ACBD6: variants seen among roughly 807,000 people sequenced by gnomAD.
ACBD6 encodes acyl-CoA-binding domain-containing protein 6.
A neutral mutation model predicts 37.2 loss-of-function variants in ACBD6; 28 were observed. That is an observed-to-expected ratio of 0.75 (90% CI 0.56 to 1.03). ACBD6 has a LOEUF of 1.03. Among genes scored for constraint, ACBD6 ranks in the 50% least tolerant of loss-of-function variants. The pLI is 0.00. For synonymous variants in ACBD6, 113 were observed against 126.8 expected, an observed-to-expected ratio of 0.89 and a Z score of 0.73; for missense variants, 340 against 337.4, an observed-to-expected ratio of 1.01 and a Z score of -0.06.
chr1:180,490,252 G>C (rs1488761887), intron 3 of ACBD6, among the ~76,000 whole-genome samples: 3 of 152,170 alleles, frequency 2.0e-5, no homozygotes, highest in Non-Finnish European at 4.4e-5. Context: ...CTGATTTTCA[G>C]ATTTTAAGCC....
At chr1:180,359,244 T>A (rs1300899055) in intron 6 of ACBD6, among the ~76,000 whole-genome samples, 1 of 152,218 alleles carries the variant, frequency 6.6e-6, no homozygotes, top group African/African-American at 2.4e-5. Context: ...TCTTTTAAAA[T>A]AACATTTATT....
downstream of ACBD6, among the ~76,000 whole-genome samples, chr1:180,284,811 T>C (rs150748054): frequency 5.5e-3 from 831 of 152,262 alleles, 11 homozygotes; most frequent in Middle Eastern, 0.041. Context: ...AGAGAAGCTT[T>C]TGGACTTGAT....
chr1:180,419,010 G>A (rs949465529), intron 4 of ACBD6, among the ~76,000 whole-genome samples: 5 of 152,206 alleles, frequency 3.3e-5, no homozygotes, highest in Admixed American at 1.3e-4. Flanking sequence ...CCAGCACTTC[G>A]GGAGGCCGAG....
chr1:180,386,987 C>T (rs768749379), intron 6 of ACBD6, among the ~76,000 whole-genome samples: 7 of 152,084 alleles, frequency 4.6e-5, no homozygotes, highest in East Asian at 1.9e-4. Flanking sequence ...TTTGAGTATG[C>T]GTATCTGTAT....
intron 3 of ACBD6, among the ~76,000 whole-genome samples, chr1:180,490,785 CAAAA>C (rs78365337): frequency 2.7e-5 from 2 of 75,456 alleles, no homozygotes; most frequent in Non-Finnish European, 5.7e-5. Context: ...GACTCTGTCT[CAAAA>C]AAAAAAAAAA....
chr1:180,304,404 CAA>C (rs1650263273), intron 7 of ACBD6, among the ~76,000 whole-genome samples: 1 of 150,988 alleles, frequency 6.6e-6, no homozygotes, highest in Non-Finnish European at 1.5e-5. Flanking sequence ...GCAACTTGAG[CAA>C]AGTCTCAGGA....
intron 6 of ACBD6, among the ~76,000 whole-genome samples, chr1:180,356,900 T>C (rs1652652759): frequency 6.6e-6 from 1 of 151,596 alleles, no homozygotes; most frequent in African/African-American, 2.4e-5. Context: ...TATGATATTA[T>C]ATATTATAAT....
intron 6 of ACBD6, among the ~76,000 whole-genome samples, chr1:180,374,349 G>A (rs909887317): frequency 2.0e-5 from 3 of 152,238 alleles, no homozygotes; most frequent in African/African-American, 7.2e-5. Flanking sequence ...ACTATGGAAA[G>A]GTGCTACACT....
exon 14 of ACBD6, chr1:180,271,744 G>A (rs1449380098): frequency 8.9e-6 from 13 of 1,468,530 alleles, no homozygotes; most frequent in Non-Finnish European, 1.1e-5. Flanking sequence ...TCAGGCTTCA[G>A]TCTGCTTCCA....
chr1:180,477,085 A>T (rs1037177646), intron 3 of ACBD6, among the ~76,000 whole-genome samples: 1 of 152,164 alleles, frequency 6.6e-6, no homozygotes, highest in African/African-American at 2.4e-5. Context: ...CCCTATATAC[A>T]CTATGTTTTT....
In ACBD6 at chr1:180,274,459, G is replaced by A. The variant is rs143072371; in HGVS notation, c.*936+192C>T. 10 of 1,614,022 alleles carry A rather than the reference G, an allele frequency of 6.2e-6. No individual in the cohort carries two copies. The highest frequency in any genetic ancestry group is 2.2e-5 in the East Asian group (1 of 44,892). Reference sequence around the variant, plus strand: ...ATGCAGGGCAGGGAGTAAGCCAGACGCTGAGAGCCATGGCTGGGGGACCCA... The same window carrying A: ...ATGCAGGGCAGGGAGTAAGCCAGACACTGAGAGCCATGGCTGGGGGACCCA... On this transcript the variant is annotated intron_variant, in intron 10 of 13. Transcript: ENST00000642319.
rs1163793269 is a variant in ACBD6 at position 180,397,558 on chromosome 1, T to C, written c.621A>G (p.Leu207=). 8 of 1,614,114 alleles carry C rather than the reference T, an allele frequency of 5.0e-6. No homozygotes were observed. The highest frequency in any genetic ancestry group is 6.8e-6 in the Non-Finnish European group (8 of 1,179,970). ...HWACDRGHKE[L]VTVLLQHRAD... ...CTCTATGTTGCAGCAACACTGTGAC[T>C]AGTTCCTTATGTCCTCGATCACAGG... Residue 207 remains leucine, a synonymous_variant, in exon 6 of 8, where the codon CTA becomes CTG. Coordinates refer to ENST00000367595, the MANE Select transcript of ACBD6 (RefSeq NM_032360.4).
chr1:180,492,221 A>G, intron 3 of ACBD6, 48 bp downstream of exon 3: 1 of 1,346,170 alleles, frequency 7.4e-7, no homozygotes, highest in Non-Finnish European at 1.1e-6. Context: ...ATTTCAGAGA[A>G]GGATCATAAG....
At chr1:180,289,544 A>G (rs1649619661) in intron 7 of ACBD6, among the ~76,000 whole-genome samples, 1 of 152,228 alleles carries the variant, frequency 6.6e-6, no homozygotes, top group African/African-American at 2.4e-5. Context: ...ATTACAGGTT[A>G]AACCTAAACA....
intron 4 of ACBD6, among the ~76,000 whole-genome samples, chr1:180,417,196 C>T (rs1397389403): frequency 6.6e-6 from 1 of 152,298 alleles, no homozygotes; most frequent in South Asian, 2.1e-4. Context: ...TCCAGCTCTT[C>T]ATCTTCTAGA....
At chr1:180,319,259 G>A (rs894842811) in intron 6 of ACBD6, among the ~76,000 whole-genome samples, 1 of 152,202 alleles carries the variant, frequency 6.6e-6, no homozygotes, top group African/African-American at 2.4e-5. Context: ...GCCTAGCTCA[G>A]TGTCTTGCAT....
At chr1:180,274,217 A>G in intron 10 of ACBD6, 1 of 1,614,210 alleles carries the variant, frequency 6.2e-7, no homozygotes, top group South Asian at 1.1e-5. Context: ...TGGCCACACC[A>G]ATAGGATTTA....
At chr1:180,490,290 T>A (rs1651442292) in intron 3 of ACBD6, among the ~76,000 whole-genome samples, 1 of 152,210 alleles carries the variant, frequency 6.6e-6, no homozygotes, top group Non-Finnish European at 1.5e-5. Flanking sequence ...CATATTTGTA[T>A]GCATATTTGG....
rs57941230 is a variant in ACBD6 at position 180,467,448 on chromosome 1, CAAAAAAAAAA to C, written c.384+24811_384+24820del. ...GCAATATAGTTAGACTCCATCTCTG[CAAAAAAAAAA>C]AAAAAAAAAAAAAACAAAAACAAAC... On this transcript the variant is annotated intron_variant, in intron 3 of 7. Coordinates refer to ENST00000367595, the MANE Select transcript of ACBD6 (RefSeq NM_032360.4). Among the ~76,000 whole-genome samples the C allele has an allele frequency of 6.5e-4, 47 of 72,540 alleles. 1 individual carries two copies. Among genetic ancestry groups the C allele is most frequent in the African/African-American group, 2.4e-3 (41 of 17,166 alleles). 47.6% of individuals were successfully genotyped at this position (72,540 alleles called of 152,430 possible).
Sources: allele counts gnomAD v4.1 joint callset (sites outside exome capture counted in the v4.1 genomes callset), GRCh38; gene constraint gnomAD v4.1.1; transcripts MANE v1.5; gene names NCBI Gene and HGNC (gene_info 2026-07-23, HGNC 2026-07-21).